The following VPS13A variants were observed in gnomAD, a reference collection of about 807,000 sequenced individuals.
VPS13A encodes vacuolar protein sorting 13 homolog A.
In VPS13A, 264 loss-of-function variants were observed where a neutral mutation model predicts 390.9. That is an observed-to-expected ratio of 0.68 (90% CI 0.61 to 0.75). The LOEUF (loss-of-function observed/expected upper bound fraction) is 0.75, where lower values mean the gene tolerates loss of function less well. Ranked by LOEUF, VPS13A falls within the 30% of genes least tolerant of loss-of-function variation. The pLI is 0.00. For missense variants in VPS13A, 3,409 were observed against 3,733.9 expected (o/e 0.91, Z 2.27); for synonymous variants, 1,231 against 1,227.1 (o/e 1.00, Z -0.07).
At chr9:77,414,097 T>G (rs1835063761) in intron 71 of VPS13A, among the ~76,000 whole-genome samples, 1 of 152,324 alleles carries the variant, frequency 6.6e-6, no homozygotes, top group African/African-American at 2.4e-5. Flanking sequence ...CAACAGGTGC[T>G]GGAGAGGATG....
chr9:77,178,205 C>CT, intron 1 of VPS13A: 1 of 218,496 alleles, frequency 4.6e-6, no homozygotes, highest in South Asian at 5.8e-5. Context: ...CATCCCTGTC[C>CT]TTTGCCCCCC....
At chr9:77,374,074 A>G (rs867083226) in intron 67 of VPS13A, among the ~76,000 whole-genome samples, 1 of 152,208 alleles carries the variant, frequency 6.6e-6, no homozygotes, top group South Asian at 2.1e-4. Flanking sequence ...CCTTTTTATG[A>G]AATGAAGAAT....
At chr9:77,320,564 A>AG (rs1328655244) in intron 42 of VPS13A, among the ~76,000 whole-genome samples, 2 of 152,102 alleles carry the variant, frequency 1.3e-5, no homozygotes, top group Non-Finnish European at 2.9e-5. Context: ...GTAACAACAG[A>AG]GGTGACTAGC....
chr9:77,371,199 A>T, intron 67 of VPS13A, 50 bp downstream of exon 67: 3 of 1,611,778 alleles, frequency 1.9e-6, no homozygotes, highest in Non-Finnish European at 2.5e-6. Flanking sequence ...AAGCCATGAG[A>T]AATGGAATTT....
Position 77,371,076 on chromosome 9 carries a change from T to G in VPS13A, c.9004T>G (p.Leu3002Val). Residue 3002 changes from leucine (L) to valine (V), a missense_variant, in exon 67 of 72, where the codon TTA becomes GTA. Physicochemically the swap from Leu to Val is conservative, Grantham distance 32 (BLOSUM62 1). Transcript: ENST00000360280. ...AGFFKGVGKG[L>V]VGAVARPTGG... ...TTTCTTTAAAGGTGTTGGGAAAGGTTTAGTAGGAGCGGTAGCAAGGCCAAC... is the reference window on the plus strand; with the variant it reads ...TTTCTTTAAAGGTGTTGGGAAAGGTGTAGTAGGAGCGGTAGCAAGGCCAAC... The G allele has an allele frequency of 6.2e-7, 1 of 1,614,078 alleles. No individual in the cohort carries two copies. The highest frequency in any genetic ancestry group is 8.5e-7 in the Non-Finnish European group (1 of 1,179,980).
chr9:77,296,856 A>G (rs1317681044), intron 33 of VPS13A, among the ~76,000 whole-genome samples: 1 of 152,076 alleles, frequency 6.6e-6, no homozygotes, highest in African/African-American at 2.4e-5. Flanking sequence ...GGGCTATTCA[A>G]GTTATTTTTT....
chr9:77,223,718 A>AAT (rs1197498303), intron 13 of VPS13A, among the ~76,000 whole-genome samples: 1 of 107,634 alleles, frequency 9.3e-6, no homozygotes, highest in Non-Finnish European at 2.1e-5. Flanking sequence ...CTGTCTCTAT[A>AAT]ACAAAAGTAT....
intron 34 of VPS13A, among the ~76,000 whole-genome samples, chr9:77,303,544 A>G (rs1476626046): frequency 2.0e-5 from 3 of 152,212 alleles, no homozygotes; most frequent in African/African-American, 4.8e-5. Context: ...CCAGGGGACC[A>G]GCACTCAGCA....
At position 77,319,584 on chromosome 9, in the gene VPS13A, A is replaced by G; in HGVS notation, c.5326A>G (p.Asn1776Asp). 1 of 1,603,172 alleles carries G rather than the reference A, an allele frequency of 6.2e-7. No individual in the cohort carries two copies. Residue 1776 changes from asparagine to aspartate, a missense_variant, in exon 42 of 72, where the codon AAT (asparagine) becomes GAT (aspartate). Transcript: ENST00000360280. ...ATTCTCTCTGTAGGTGCATTATTAT[A>G]ATGAAATGTTTGGTGTATGGGAGCC... is the stretch of plus-strand genomic sequence containing the variant. ...CQLELEVHYY[N>D]EMFGVWEPLL... is the part of the protein sequence containing the mutation.
intron 25 of VPS13A, 28 bp from the exon 26 acceptor site, chr9:77,276,037 G>A (rs1284493940): frequency 2.1e-5 from 33 of 1,606,434 alleles, no homozygotes; most frequent in African/African-American, 4.0e-5. Flanking sequence ...TTTATGTAGT[G>A]GTAATTTCTT....
chr9:77,298,393 A>G (rs1828135836), intron 33 of VPS13A, among the ~76,000 whole-genome samples: 1 of 152,194 alleles, frequency 6.6e-6, no homozygotes. Context: ...ACCAGTGTTT[A>G]AATAATTGAC....
chr9:77,314,401 T>C (rs1193747345), intron 36 of VPS13A, 94 bp from the exon 37 acceptor site: 5 of 1,302,590 alleles, frequency 3.8e-6, no homozygotes, highest in Admixed American at 1.8e-5. Flanking sequence ...ATGTTTGTTA[T>C]AAGCAGAGGC....
intron 22 of VPS13A, among the ~76,000 whole-genome samples, chr9:77,254,948 A>AT (rs1825355755): frequency 6.6e-6 from 1 of 151,778 alleles, no homozygotes; most frequent in African/African-American, 2.4e-5. Flanking sequence ...TATGGAGTTA[A>AT]TTTTTTTCCC....
chr9:77,269,139 A>AT (rs1397506722), intron 23 of VPS13A, among the ~76,000 whole-genome samples: 1 of 152,030 alleles, frequency 6.6e-6, no homozygotes, highest in Non-Finnish European at 1.5e-5. Context: ...CATCTCTGCA[A>AT]TTTTTGCCTA....
At chr9:77,196,914 T>G (rs1334943248) in intron 1 of VPS13A, among the ~76,000 whole-genome samples, 1 of 152,134 alleles carries the variant, frequency 6.6e-6, no homozygotes, top group Admixed American at 6.5e-5. Context: ...TTGAAGAACT[T>G]CCATAGTGTG....
intron 7 of VPS13A, chr9:77,211,649 A>G (rs1468030052): frequency 6.6e-6 from 1 of 152,212 alleles, no homozygotes; most frequent in Non-Finnish European, 1.5e-5. Context: ...AAGTTACTCA[A>G]ATACTCTCAT....
At chr9:77,396,438 A>G (rs933937350) in intron 68 of VPS13A, among the ~76,000 whole-genome samples, 6 of 152,178 alleles carry the variant, frequency 3.9e-5, no homozygotes, top group Non-Finnish European at 5.9e-5. Context: ...AGATTTGACC[A>G]TATAGTCAGT....
At chr9:77,205,879 C>T (rs971687161) in intron 4 of VPS13A, 99 bp from the exon 5 acceptor site, 36 of 925,810 alleles carry the variant, frequency 3.9e-5, no homozygotes, top group Middle Eastern at 3.4e-4. Flanking sequence ...CATGAGCCAC[C>T]GCGCCCGGCC....
chr9:77,258,543 C>T (rs1825580619), intron 22 of VPS13A, among the ~76,000 whole-genome samples: 1 of 152,036 alleles, frequency 6.6e-6, no homozygotes, highest in Non-Finnish European at 1.5e-5. Flanking sequence ...AAAGCATGCA[C>T]TGAGAGTCTT....
Sources: allele counts gnomAD v4.1 joint callset (sites outside exome capture counted in the v4.1 genomes callset), GRCh38; gene constraint gnomAD v4.1.1; transcripts MANE v1.5; gene names NCBI Gene and HGNC (gene_info 2026-07-23, HGNC 2026-07-21).